The following CDK12 variants were observed in gnomAD, a reference collection of about 807,000 sequenced individuals.
CDK12 encodes the protein cyclin dependent kinase 12.
Under a neutral mutation model 133.8 loss-of-function variants are expected in CDK12, and 17 were observed. The observed-to-expected ratio is 0.13, with a 90% confidence interval of 0.09 to 0.19. The LOEUF (loss-of-function observed/expected upper bound fraction) is 0.19, where lower values mean the gene tolerates loss of function less well. Ranked by LOEUF, CDK12 falls within the 10% of genes least tolerant of loss-of-function variation. The probability of loss-of-function intolerance (pLI) is 1.00; values close to 1 mark genes in which losing one functional copy is unlikely to be tolerated. For synonymous variants in CDK12, 694 were observed against 683.6 expected, an observed-to-expected ratio of 1.02 and a Z score of -0.24; for missense variants, 1,508 against 1,818.7, an observed-to-expected ratio of 0.83 and a Z score of 3.11.
chr17:39,512,691 C>T (rs183255013), intron 8 of CDK12, among the ~76,000 whole-genome samples: 1 of 152,266 alleles, frequency 6.6e-6, no homozygotes, highest in Non-Finnish European at 1.5e-5. Flanking sequence ...CTAATTATAT[C>T]ATTTCTTATT....
chr17:39,503,188 T>A (rs943858078), intron 6 of CDK12, among the ~76,000 whole-genome samples: 2 of 152,176 alleles, frequency 1.3e-5, no homozygotes, highest in African/African-American at 4.8e-5. Context: ...TGCTCCTGCC[T>A]CAGCCTCCCA....
intron 4 of CDK12, among the ~76,000 whole-genome samples, 167 bp from the exon 5 acceptor site, chr17:39,494,357 G>A (rs1157691787): frequency 1.3e-5 from 2 of 152,190 alleles, no homozygotes; most frequent in Admixed American, 6.5e-5. Flanking sequence ...ACAGGTGTGA[G>A]CCAGTGCGCC....
chr17:39,485,505 G>A (rs189682401), intron 2 of CDK12, among the ~76,000 whole-genome samples: 25 of 148,352 alleles, frequency 1.7e-4, no homozygotes, highest in East Asian at 1.5e-3. Flanking sequence ...TCCACCTCCC[G>A]GGTTCAGGTG....
chr17:39,510,267 C>T (rs1446641715), intron 7 of CDK12, among the ~76,000 whole-genome samples: 1 of 151,496 alleles, frequency 6.6e-6, no homozygotes, highest in Non-Finnish European at 1.5e-5. Context: ...TTACAGGTGC[C>T]CGCCACTACG....
At chr17:39,523,892 C>G (rs2054330394) in intron 11 of CDK12, among the ~76,000 whole-genome samples, 1 of 152,178 alleles carries the variant, frequency 6.6e-6, no homozygotes, top group Non-Finnish European at 1.5e-5. Flanking sequence ...ACCTCATGAT[C>G]CGCCTGCCTC....
upstream of CDK12, chr17:39,546,501 A>G (rs1180758483): frequency 6.6e-6 from 1 of 152,164 alleles, no homozygotes; most frequent in Admixed American, 6.6e-5. Flanking sequence ...TTTTTAGTAT[A>G]TGTGCTGCCA....
At chr17:39,559,550 G>T (rs992169277) in intron 3 of CDK12, among the ~76,000 whole-genome samples, 1 of 152,096 alleles carries the variant, frequency 6.6e-6, no homozygotes, top group African/African-American at 2.4e-5. Context: ...AAATTTCGTA[G>T]TTTCAAAAAT....
chr17:39,515,824 T>C lies in CDK12; in HGVS notation c.2846+16T>C. On this transcript the variant is annotated intron_variant, in intron 9 of 13. Transcript: ENST00000447079. ...AACTGATCAGGTACAGCTGTACATG[T>C]GCTCTTGAGTGCCCAGGTGTGATAG... 1 of 1,564,318 alleles carries C rather than the reference T, an allele frequency of 6.4e-7. No individual in the cohort carries two copies. The highest frequency in any genetic ancestry group is 8.8e-7 in the Non-Finnish European group (1 of 1,140,412).
intron 13 of CDK12, among the ~76,000 whole-genome samples, chr17:39,529,066 A>G (rs1268256473): frequency 1.3e-5 from 2 of 152,142 alleles, no homozygotes; most frequent in Non-Finnish European, 2.9e-5. Context: ...CAACCAGCCA[A>G]TCAGTCAACA....
At chr17:39,557,706 A>G (rs1418637248) in intron 3 of CDK12, among the ~76,000 whole-genome samples, 8 of 152,168 alleles carry the variant, frequency 5.3e-5, no homozygotes, top group Non-Finnish European at 8.8e-5. Context: ...GAGGCATTGG[A>G]TGAAGCACAG....
At chr17:39,477,789 G>T (rs1268343918) in intron 2 of CDK12, among the ~76,000 whole-genome samples, 2 of 150,830 alleles carry the variant, frequency 1.3e-5, no homozygotes, top group African/African-American at 4.9e-5. Flanking sequence ...TAGCCAGGAT[G>T]ATCTCGATCT....
rs554493567 is a variant in CDK12, at chr17:39,509,834, T to C, written c.2666+73T>C. On this transcript the variant is annotated intron_variant, in intron 7 of 13. Coordinates refer to ENST00000447079, the MANE Select transcript of CDK12 (RefSeq NM_016507.4). ...TTTGTTTTTTTGAGGCAGGATCTTATTCTGTTGCTCAGGCTGGAGTGCGTG... is the reference window on the plus strand; with the variant it reads ...TTTGTTTTTTTGAGGCAGGATCTTACTCTGTTGCTCAGGCTGGAGTGCGTG... The C allele has an allele frequency of 1.2e-4, 141 of 1,181,968 alleles. No homozygotes were observed. The African/African-American group carries it at 1.2e-3, about 10-fold the overall frequency. 73.2% of individuals were successfully genotyped at this position (1,181,968 alleles called of 1,614,324 possible).
chr17:39,540,010 A>G (rs2055335674), intron 1 of CDK12, among the ~76,000 whole-genome samples: 1 of 152,252 alleles, frequency 6.6e-6, no homozygotes, highest in African/African-American at 2.4e-5. Context: ...GGAACAGAGC[A>G]TGATGAGATG....
At position 39,481,710 on chromosome 17, in the gene CDK12, C is replaced by T. The variant is rs1328309604; in HGVS notation, c.1932-8847C>T. 9.4e-4 allele frequency among the ~76,000 whole-genome samples: 10 copies of T among 10,584 alleles called. 1 individual carries two copies. The highest frequency in any genetic ancestry group is 2.4e-3 in the Admixed American group (2 of 828). The allele number at this position is 10,584 out of a possible 152,430, so 6.9% of individuals were successfully genotyped here. A position where few individuals can be genotyped will look rare whatever the true frequency, so the allele number is the denominator to read the frequency against. On this transcript the variant is annotated intron_variant, in intron 2 of 13. Transcript: ENST00000447079. Reference sequence around the variant, plus strand: ...TCTCTCTCTCTCTCTCTCTCTCTCTCTTTCTCTTTTCTTTTTTCTTTTTTT... The same window carrying T: ...TCTCTCTCTCTCTCTCTCTCTCTCTTTTTCTCTTTTCTTTTTTCTTTTTTT...
chr17:39,550,679 T>C (rs375143676), intron 1 of CDK12: 3 of 152,292 alleles, frequency 2.0e-5, no homozygotes, highest in South Asian at 4.1e-4. Flanking sequence ...CAAAATGGCA[T>C]GCAAATGAGG....
At chr17:39,477,573 T>A (rs1362705027) in intron 2 of CDK12, among the ~76,000 whole-genome samples, 129 of 146,364 alleles carry the variant, frequency 8.8e-4, no homozygotes, top group African/African-American at 3.1e-3. Flanking sequence ...ATTTATTATT[T>A]ATTTTTTTTT....
chr17:39,484,322 G>C (rs1300311392), intron 2 of CDK12, among the ~76,000 whole-genome samples: 1 of 152,080 alleles, frequency 6.6e-6, no homozygotes, highest in East Asian at 1.9e-4. Flanking sequence ...TTTGTGTATA[G>C]GTATAAATGG....
intron 4 of CDK12, 44 bp downstream of exon 4, chr17:39,492,934 T>A (rs2051754025): frequency 6.7e-7 from 1 of 1,492,218 alleles, no homozygotes. Flanking sequence ...TGTTAACAAT[T>A]TAGCAATACT....
intron 2 of CDK12, among the ~76,000 whole-genome samples, chr17:39,487,151 AT>A (rs1450638233): frequency 6.6e-6 from 1 of 152,208 alleles, no homozygotes; most frequent in Admixed American, 6.6e-5. Flanking sequence ...GTTTCAGATG[AT>A]CATTATCTAC....
Sources: allele counts gnomAD v4.1 joint callset (sites outside exome capture counted in the v4.1 genomes callset), GRCh38; gene constraint gnomAD v4.1.1; transcripts MANE v1.5; gene names NCBI Gene and HGNC (gene_info 2026-07-23, HGNC 2026-07-21).